STK32B: variants seen among roughly 807,000 people sequenced by gnomAD.
The protein encoded by STK32B is serine/threonine kinase 32B.
STK32B carries 43 observed loss-of-function variants against 52.6 expected under a neutral mutation model. That is an observed-to-expected ratio of 0.82 (90% confidence interval 0.64 to 1.05). STK32B has a LOEUF of 1.05. Ranked by LOEUF, STK32B falls within the 50% of genes least tolerant of loss-of-function variation. STK32B has a pLI of 0.00. For missense variants in STK32B, 621 were observed against 534.6 expected (o/e 1.16, Z -1.59); for synonymous variants, 238 against 204.3 (o/e 1.17, Z -1.41).
intron 3 of STK32B, among the ~76,000 whole-genome samples, chr4:5,253,211 G>T (rs1434780729): frequency 1.3e-5 from 2 of 151,996 alleles, no homozygotes; most frequent in Non-Finnish European, 2.9e-5. Context: ...TGCTCCCTCT[G>T]TCTAGAGGGA....
At chr4:5,249,573 AG>A (rs1725768781) in intron 3 of STK32B, among the ~76,000 whole-genome samples, 1 of 151,068 alleles carries the variant, frequency 6.6e-6, no homozygotes. Context: ...AGCATATGCA[AG>A]GGTTAGCAAA....
chr4:5,241,158 G>A (rs1340193576), intron 3 of STK32B, among the ~76,000 whole-genome samples: 2 of 151,964 alleles, frequency 1.3e-5, no homozygotes, highest in African/African-American at 2.4e-5. Flanking sequence ...GCATATCTGT[G>A]GCAATCCCAG....
At chr4:5,329,893 A>T (rs772713626) in intron 3 of STK32B, among the ~76,000 whole-genome samples, 5 of 152,126 alleles carry the variant, frequency 3.3e-5, no homozygotes, top group Non-Finnish European at 5.9e-5. Flanking sequence ...AGGTCCTTCC[A>T]ACCCTGGAAT....
rs141994688 is a variant in STK32B at position 5,337,090 on chromosome 4, C to T, written c.434+5697C>T. 3.6e-3 allele frequency among the ~76,000 whole-genome samples: 547 copies of T among 152,208 alleles called. 2 individuals are homozygous for T. The highest frequency in any genetic ancestry group is 0.012 in the African/African-American group (482 of 41,508). ...ACCTTCTGGGCTCAAGTGATCCTCCCACCTCAGCCTGCTAAGTAGCTGGGA... is the reference window on the plus strand; with the variant it reads ...ACCTTCTGGGCTCAAGTGATCCTCCTACCTCAGCCTGCTAAGTAGCTGGGA... On this transcript the variant is annotated intron_variant, in intron 4 of 11. Coordinates refer to ENST00000282908, the MANE Select transcript of STK32B (RefSeq NM_018401.3).
At chr4:5,232,043 G>T (rs1044957526) in intron 3 of STK32B, among the ~76,000 whole-genome samples, 1 of 152,160 alleles carries the variant, frequency 6.6e-6, no homozygotes, top group Non-Finnish European at 1.5e-5. Context: ...GTTGCTTGGG[G>T]TGGAGTGGTG....
chr4:5,204,287 G>A (rs1722386953), intron 3 of STK32B: 1 of 152,888 alleles, frequency 6.5e-6, no homozygotes, highest in African/African-American at 2.4e-5. Flanking sequence ...TTCTGTGCTG[G>A]GACTGTGCTG....
chr4:5,233,895 C>T (rs4688921), intron 3 of STK32B, among the ~76,000 whole-genome samples: 142,188 of 151,850 alleles, frequency 0.94, 67,122 homozygotes, highest in Non-Finnish European at 1. Flanking sequence ...ATCAGGAAGG[C>T]GGAGGAGCAA....
intron 2 of STK32B, among the ~76,000 whole-genome samples, chr4:5,143,153 A>T (rs1196864086): frequency 8.9e-6 from 1 of 112,120 alleles, no homozygotes; most frequent in Non-Finnish European, 2.2e-5. Context: ...CTATCTGTCC[A>T]TATTCTGTTG....
intron 3 of STK32B, among the ~76,000 whole-genome samples, chr4:5,191,416 A>C (rs1344472701): frequency 6.6e-6 from 1 of 151,728 alleles, no homozygotes; most frequent in Admixed American, 6.6e-5. Flanking sequence ...ACGCCTGGCT[A>C]ATTTTTGTTG....
At chr4:5,337,573 G>A (rs2108964561) in intron 4 of STK32B, among the ~76,000 whole-genome samples, 1 of 152,246 alleles carries the variant, frequency 6.6e-6, no homozygotes, top group Middle Eastern at 3.4e-3. Flanking sequence ...ACCATGACCA[G>A]TTCTGATTAG....
At chr4:5,433,346 G>A (rs1713756819) in intron 6 of STK32B, among the ~76,000 whole-genome samples, 2 of 152,160 alleles carry the variant, frequency 1.3e-5, no homozygotes, top group Non-Finnish European at 2.9e-5. Context: ...AGAAGGGGCA[G>A]TTTGAAAGCT....
chr4:5,032,982 A>G, the STK32B span, among the ~76,000 whole-genome samples: 2 of 152,056 alleles, frequency 1.3e-5, no homozygotes, highest in African/African-American at 4.8e-5. Flanking sequence ...CCACACTTTT[A>G]CCTCTCACAT....
chr4:5,309,861 C>T (rs1416299560), intron 3 of STK32B, among the ~76,000 whole-genome samples: 1 of 152,040 alleles, frequency 6.6e-6, no homozygotes, highest in Non-Finnish European at 1.5e-5. Context: ...GCACAGACAA[C>T]AAAAGCAAAA....
intron 3 of STK32B, among the ~76,000 whole-genome samples, chr4:5,221,854 C>CAAA (rs35134769): frequency 5.7e-4 from 46 of 81,120 alleles, no homozygotes; most frequent in African/African-American, 1.9e-3. Context: ...GACTCTGTCT[C>CAAA]AAAAAAAAAA....
chr4:5,060,110 G>A (rs760009607), intron 1 of STK32B, among the ~76,000 whole-genome samples: 1 of 152,146 alleles, frequency 6.6e-6, no homozygotes, highest in South Asian at 2.1e-4. Flanking sequence ...GGGATTACAG[G>A]CATGTGCCCC....
At chr4:5,113,857 G>A (rs1218520280) in intron 1 of STK32B, among the ~76,000 whole-genome samples, 1 of 152,154 alleles carries the variant, frequency 6.6e-6, no homozygotes, top group Non-Finnish European at 1.5e-5. Context: ...TGGAAGGCAA[G>A]GAGGACCGAA....
At chr4:5,348,478 G>A (rs1005195153) in intron 4 of STK32B, among the ~76,000 whole-genome samples, 2 of 152,190 alleles carry the variant, frequency 1.3e-5, no homozygotes, top group Non-Finnish European at 2.9e-5. Flanking sequence ...GAACCAAGGA[G>A]GGAGCAACTG....
intron 3 of STK32B, among the ~76,000 whole-genome samples, chr4:5,247,514 C>T (rs751656019): frequency 6.6e-6 from 1 of 152,272 alleles, no homozygotes; most frequent in East Asian, 1.9e-4. Flanking sequence ...TGACCCCTTG[C>T]ACTTCTCGGG....
intron 6 of STK32B, among the ~76,000 whole-genome samples, chr4:5,419,530 C>CG (rs1712450986): frequency 6.6e-6 from 1 of 152,206 alleles, no homozygotes; most frequent in South Asian, 2.1e-4. Flanking sequence ...CAGCTTCAGC[C>CG]GCTGTTCTCA....
Sources: allele counts gnomAD v4.1 joint callset (sites outside exome capture counted in the v4.1 genomes callset), GRCh38; gene constraint gnomAD v4.1.1; transcripts MANE v1.5; gene names NCBI Gene and HGNC (gene_info 2026-07-23, HGNC 2026-07-21).